Variants in RBPMS2 observed in about 807,000 individuals in gnomAD.
The protein encoded by RBPMS2 is RNA binding protein, mRNA processing factor 2.
Under a neutral mutation model 25.7 loss-of-function variants are expected in RBPMS2, and 14 were observed. That is an observed-to-expected ratio of 0.55 (90% CI 0.36 to 0.85). RBPMS2 has a LOEUF of 0.85. Among genes scored for constraint, RBPMS2 ranks in the 40% least tolerant of loss-of-function variants. The probability of loss-of-function intolerance (pLI) is 0.01; values close to 1 mark genes in which losing one functional copy is unlikely to be tolerated. For missense variants in RBPMS2, 252 were observed against 283.4 expected (o/e 0.89, Z 0.80); for synonymous variants, 127 against 115.6 (o/e 1.10, Z -0.63).
chr15:64,767,256 T>C (rs1001069895), intron 1 of RBPMS2, among the ~76,000 whole-genome samples: 2 of 152,002 alleles, frequency 1.3e-5, no homozygotes, highest in Non-Finnish European at 2.9e-5. Context: ...TGTGCCAACA[T>C]GCCCAGCTAG....
At chr15:64,748,294 C>G (rs928353763) in intron 6 of RBPMS2, 125 bp downstream of exon 6, 1 of 1,070,926 alleles carries the variant, frequency 9.3e-7, no homozygotes, top group African/African-American at 1.6e-5. Flanking sequence ...GGCTTTCAAA[C>G]CATCAAGGAA....
At chr15:64,770,632 T>C (rs2083886241) in intron 1 of RBPMS2, among the ~76,000 whole-genome samples, 1 of 152,124 alleles carries the variant, frequency 6.6e-6, no homozygotes, top group Non-Finnish European at 1.5e-5. Context: ...GAAGCCTCCA[T>C]TCCCTCATAT....
At position 64,774,021 on chromosome 15, in the gene RBPMS2, T is replaced by A. The variant is rs182199714; in HGVS notation, c.87+1212A>T. ...CCGCCAAAAAGTGGAGATCCAAACC[T>A]AGATTGTCATCGACTGGGGCTGGCT... On this transcript the variant is annotated intron_variant, in intron 1 of 7. Coordinates refer to ENST00000300069, the MANE Select transcript of RBPMS2 (RefSeq NM_194272.3). Among the ~76,000 whole-genome samples the A allele has an allele frequency of 2.0e-5, 3 of 152,312 alleles. No individual in the cohort carries two copies. The East Asian group carries it at 5.8e-4, about 29-fold the overall frequency.
chr15:64,761,696 C>CTTTTTTTTTTT (rs71133473), intron 1 of RBPMS2, among the ~76,000 whole-genome samples: 5 of 86,678 alleles, frequency 5.8e-5, no homozygotes, highest in Non-Finnish European at 8.0e-5. Flanking sequence ...CAAAGCCCAG[C>CTTTTTTTTTTT]TTTTTTTTTT....
chr15:64,756,478 T>C (rs1228212515), intron 1 of RBPMS2, among the ~76,000 whole-genome samples: 3 of 150,456 alleles, frequency 2.0e-5, no homozygotes, highest in South Asian at 2.1e-4. Flanking sequence ...GATCATACCA[T>C]TGCACTCCAT....
intron 5 of RBPMS2, 126 bp downstream of exon 5, chr15:64,748,874 T>C: frequency 9.4e-7 from 1 of 1,064,586 alleles, no homozygotes; most frequent in Admixed American, 2.8e-5. Flanking sequence ...GAAAACCAGG[T>C]GTTTCAAAAA....
At chr15:64,758,911 G>A (rs938512043) in intron 1 of RBPMS2, among the ~76,000 whole-genome samples, 1 of 152,172 alleles carries the variant, frequency 6.6e-6, no homozygotes, top group African/African-American at 2.4e-5. Flanking sequence ...GAGTGCCTGG[G>A]AGCTACCTAT....
chr15:64,773,702 T>G (rs1244244552), intron 1 of RBPMS2, among the ~76,000 whole-genome samples: 4 of 152,066 alleles, frequency 2.6e-5, no homozygotes, highest in Non-Finnish European at 1.5e-5. Flanking sequence ...TTAGCAGAAG[T>G]GGGGTTCTGG....
At chr15:64,748,910 T>G (rs1226694468) in intron 5 of RBPMS2, 90 bp downstream of exon 5, 2 of 1,458,412 alleles carry the variant, frequency 1.4e-6, no homozygotes, top group Non-Finnish European at 1.9e-6. Context: ...ACAAAAAGCC[T>G]CCTGGAAAAG....
chr15:64,771,069 CAA>C (rs1451094171), intron 1 of RBPMS2, among the ~76,000 whole-genome samples: 1 of 152,176 alleles, frequency 6.6e-6, no homozygotes, highest in Non-Finnish European at 1.5e-5. Context: ...ATTAAGCTGG[CAA>C]AAACTTTTTT....
At chr15:64,764,208 C>T (rs2083819858) in intron 1 of RBPMS2, among the ~76,000 whole-genome samples, 1 of 152,166 alleles carries the variant, frequency 6.6e-6, no homozygotes, top group South Asian at 2.1e-4. Context: ...TGCTGTGTGG[C>T]CAGCTAACAC....
At chr15:64,743,919 C>T (rs1323717775) in intron 6 of RBPMS2, among the ~76,000 whole-genome samples, 1 of 151,894 alleles carries the variant, frequency 6.6e-6, no homozygotes, top group East Asian at 1.9e-4. Flanking sequence ...AGCATGGCCA[C>T]CATTACGAAA....
At chr15:64,744,918 G>C (rs975855077) in intron 6 of RBPMS2, among the ~76,000 whole-genome samples, 8 of 135,876 alleles carry the variant, frequency 5.9e-5, no homozygotes, top group Non-Finnish European at 1.1e-4. Flanking sequence ...GGGTTCAAGC[G>C]ATTCTCCTGC....
At chr15:64,774,693 C>T (rs2083915433) in intron 1 of RBPMS2, among the ~76,000 whole-genome samples, 1 of 149,282 alleles carries the variant, frequency 6.7e-6, no homozygotes, top group African/African-American at 2.4e-5. Flanking sequence ...GTGAAGAAAG[C>T]CCGCCCACCC....
intron 1 of RBPMS2, among the ~76,000 whole-genome samples, chr15:64,752,672 G>A (rs537814746): frequency 1.3e-4 from 20 of 151,578 alleles, no homozygotes; most frequent in African/African-American, 4.1e-4. Flanking sequence ...GTGCAGTGGC[G>A]CCATCTCGGC....
chr15:64,772,598 C>G (rs1015209688), intron 1 of RBPMS2, among the ~76,000 whole-genome samples: 1 of 152,146 alleles, frequency 6.6e-6, no homozygotes, highest in Non-Finnish European at 1.5e-5. Flanking sequence ...GTTACCCAAA[C>G]AAGCCATGTG....
At chr15:64,751,828 T>C (rs2083684469) in intron 1 of RBPMS2, among the ~76,000 whole-genome samples, 190 bp from the exon 2 acceptor site, 1 of 152,130 alleles carries the variant, frequency 6.6e-6, no homozygotes, top group African/African-American at 2.4e-5. Flanking sequence ...GCCCTTTCCT[T>C]TCTCTGGGTA....
chr15:64,769,229 G>A lies in RBPMS2; in HGVS notation c.87+6004C>T, dbSNP rs555191951. Reference sequence around the variant, plus strand: ...TGCAATCCCAGCACTTTGGGAGGCCGAGGCCTCCCAACATGGAGAAACCCC... The same window carrying A: ...TGCAATCCCAGCACTTTGGGAGGCCAAGGCCTCCCAACATGGAGAAACCCC... On this transcript the variant is annotated intron_variant, in intron 1 of 7. Transcript: ENST00000300069. Among the ~76,000 whole-genome samples, 668 of 150,716 alleles carry A rather than the reference G, an allele frequency of 4.4e-3. 2 individuals are homozygous for A. Among genetic ancestry groups the A allele is most frequent in the Middle Eastern group, 0.01 (3 of 290 alleles).
intron 1 of RBPMS2, chr15:64,762,278 G>A (rs116698609): frequency 6.5e-6 from 3 of 463,840 alleles, no homozygotes; most frequent in East Asian, 5.6e-5. Flanking sequence ...GGCCAACGAC[G>A]AGACTGACTG....
Sources: gnomAD v4.1 joint callset for allele counts (sites outside exome capture counted in the v4.1 genomes callset) on GRCh38, gnomAD v4.1.1 for gene constraint, MANE v1.5 for transcripts, NCBI Gene and HGNC (gene_info 2026-07-23, HGNC 2026-07-21) for gene names.